The following SUSD6 variants were observed in gnomAD, a reference collection of about 807,000 sequenced individuals.
The protein encoded by SUSD6 is sushi domain-containing protein 6.
A neutral mutation model predicts 28.4 loss-of-function variants in SUSD6; 16 were observed. That is an observed-to-expected ratio of 0.56 (90% CI 0.38 to 0.86). SUSD6 has a LOEUF of 0.86. SUSD6 is among the 40% of genes least tolerant of loss of function. The probability of loss-of-function intolerance (pLI) is 0.00; values close to 1 mark genes in which losing one functional copy is unlikely to be tolerated. For synonymous variants in SUSD6, 147 were observed against 159.6 expected (o/e 0.92, Z 0.59); for missense variants, 341 against 384.2 (o/e 0.89, Z 0.94).
intron 2 of SUSD6, among the ~76,000 whole-genome samples, chr14:69,702,947 G>A (rs541418582): frequency 8.3e-4 from 126 of 152,252 alleles, no homozygotes; most frequent in African/African-American, 3.0e-3. Flanking sequence ...CCCCTCTCAG[G>A]CCAAGAGTGC....
At chr14:69,646,615 T>C (rs567652672) in intron 1 of SUSD6, among the ~76,000 whole-genome samples, 19 of 152,220 alleles carry the variant, frequency 1.2e-4, no homozygotes, top group Middle Eastern at 3.4e-3. Context: ...AACCTGCTTA[T>C]TCACCTGTAT....
At chr14:69,673,344 A>G (rs1469550110) in intron 2 of SUSD6, among the ~76,000 whole-genome samples, 1 of 152,170 alleles carries the variant, frequency 6.6e-6, no homozygotes, top group African/African-American at 2.4e-5. Flanking sequence ...AGTTCCCTAA[A>G]GAAGAACTTG....
chr14:69,619,911 G>T (rs968406597), intron 1 of SUSD6, among the ~76,000 whole-genome samples: 2 of 152,178 alleles, frequency 1.3e-5, no homozygotes, highest in East Asian at 1.9e-4. Flanking sequence ...TGGGCTTATT[G>T]TATGTGGAAT....
intron 3 of SUSD6, 181 bp downstream of exon 3, chr14:69,703,773 G>T (rs1886346449): frequency 1.6e-6 from 1 of 624,670 alleles, no homozygotes; most frequent in Non-Finnish European, 2.8e-6. Context: ...GAGGTTGCTG[G>T]TGCATGTCCT....
intron 2 of SUSD6, among the ~76,000 whole-genome samples, chr14:69,681,889 TTACTGTGTTAAA>T (rs1886002046): frequency 6.6e-6 from 1 of 152,180 alleles, no homozygotes; most frequent in Non-Finnish European, 1.5e-5. Flanking sequence ...AAATTCTGGG[TTACTGTGTTAAA>T]TACTGTGTTA....
At chr14:69,681,829 A>C (rs1274162318) in intron 2 of SUSD6, among the ~76,000 whole-genome samples, 4 of 152,152 alleles carry the variant, frequency 2.6e-5, no homozygotes, top group Admixed American at 6.5e-5. Flanking sequence ...ATGAATTCTC[A>C]AGTTCATGAA....
At chr14:69,696,824 A>G (rs144406925) in intron 2 of SUSD6, among the ~76,000 whole-genome samples, 219 of 152,348 alleles carry the variant, frequency 1.4e-3, no homozygotes, top group African/African-American at 5.1e-3. Flanking sequence ...GTCCAGATTC[A>G]GACCCCAGGA....
rs1240356387 is a variant in SUSD6, at chr14:69,712,433, A to C, written c.*1454A>C. The C allele has an allele frequency of 6.6e-6, 1 of 152,312 alleles. No homozygotes were observed. Among genetic ancestry groups the C allele is most frequent in the African/African-American group, 2.4e-5 (1 of 41,468 alleles). The allele number at this position is 152,312 out of a possible 1,614,324, so 9.4% of individuals were successfully genotyped here. A position where few individuals can be genotyped will look rare whatever the true frequency, so the allele number is the denominator to read the frequency against. ...CTCTGCCAACTGCTGTCATCTTAGA[A>C]GATAGATGCAGCAGTAAGGAATGTT... On this transcript the variant is annotated 3_prime_UTR_variant, in exon 6 of 6. Transcript: ENST00000342745.
chr14:69,674,874 T>C (rs752561748), intron 2 of SUSD6, among the ~76,000 whole-genome samples: 1 of 152,198 alleles, frequency 6.6e-6, no homozygotes, highest in African/African-American at 2.4e-5. Context: ...TTCAGGTAGC[T>C]CAGGCACTGA....
chr14:69,665,325 C>T (rs190619822), intron 2 of SUSD6, among the ~76,000 whole-genome samples: 1 of 152,302 alleles, frequency 6.6e-6, no homozygotes, highest in East Asian at 1.9e-4. Context: ...ACCGCAACTT[C>T]TGCCTCCTGG....
intron 2 of SUSD6, among the ~76,000 whole-genome samples, chr14:69,703,120 T>G (rs1886335470): frequency 1.3e-5 from 2 of 152,126 alleles, no homozygotes; most frequent in Admixed American, 6.5e-5. Context: ...GTTCAAGACT[T>G]TAGAGTCTGC....
intron 1 of SUSD6, among the ~76,000 whole-genome samples, chr14:69,639,804 C>G (rs1278422911): frequency 6.6e-6 from 1 of 152,044 alleles, no homozygotes; most frequent in East Asian, 1.9e-4. Flanking sequence ...CATTAGATAC[C>G]AGTAGCACCT....
chr14:69,676,231 AAG>A (rs756733527), intron 2 of SUSD6, among the ~76,000 whole-genome samples: 8 of 152,178 alleles, frequency 5.3e-5, no homozygotes, highest in Non-Finnish European at 1.2e-4. Context: ...TACTCAAACC[AAG>A]AGAGAGGTGA....
chr14:69,627,968 C>T (rs926918141), intron 1 of SUSD6, among the ~76,000 whole-genome samples: 2 of 150,524 alleles, frequency 1.3e-5, no homozygotes, highest in Admixed American at 1.3e-4. Context: ...GAGTCTCGCT[C>T]TGTCACCCAG....
chr14:69,699,978 A>G (rs1387011382), intron 2 of SUSD6, among the ~76,000 whole-genome samples: 1 of 152,122 alleles, frequency 6.6e-6, no homozygotes, highest in East Asian at 1.9e-4. Flanking sequence ...GTCCCACCCT[A>G]ATCTTTTATT....
rs545785685 is a variant in SUSD6, at chr14:69,703,552, G to C, written c.279G>C (p.Glu93Asp). The C allele has an allele frequency of 6.2e-7, 1 of 1,614,232 alleles. No homozygotes were observed. The highest frequency in any genetic ancestry group is 1.3e-5 in the African/African-American group (1 of 75,060). The change falls in exon 3 of 6, where the codon GAG (glutamate) becomes GAC (aspartate). Residue 93 changes from glutamate to aspartate, a missense_variant. Transcript: ENST00000342745. ...AATACCTGACGTGTAAGAATGGCGA[G>C]TGGAAACCAGCCATGGAGATTAGCT... The part of the protein sequence containing the change: ...DYKYLTCKNG[E>D]WKPAMEISCR...
chr14:69,651,161 C>T (rs2139609215), intron 1 of SUSD6, among the ~76,000 whole-genome samples: 2 of 152,324 alleles, frequency 1.3e-5, no homozygotes, highest in Middle Eastern at 3.4e-3. Context: ...AACCGCTTTT[C>T]AGTGGCTAGG....
chr14:69,636,475 GT>G (rs1275943679), intron 1 of SUSD6, among the ~76,000 whole-genome samples: 3 of 152,220 alleles, frequency 2.0e-5, no homozygotes, highest in African/African-American at 7.2e-5. Context: ...AGCCTGCCTG[GT>G]TTGGCAGTAC....
intron 1 of SUSD6, among the ~76,000 whole-genome samples, chr14:69,632,706 C>T (rs577793624): frequency 1.4e-4 from 22 of 152,042 alleles, no homozygotes; most frequent in Admixed American, 8.5e-4. Flanking sequence ...GTGTAACCCC[C>T]GTTCCCAGAA....
Sources: allele counts gnomAD v4.1 joint callset (sites outside exome capture counted in the v4.1 genomes callset), GRCh38; gene constraint gnomAD v4.1.1; transcripts MANE v1.5; gene names NCBI Gene and HGNC (gene_info 2026-07-23, HGNC 2026-07-21).